Variants in ITPK1 observed in about 807,000 individuals in gnomAD.
ITPK1 encodes inositol 1,3,4-trisphosphate 5/6-kinase.
In ITPK1, 21 loss-of-function variants were observed where a neutral mutation model predicts 45.3. The ratio of observed to expected loss-of-function variants is 0.46; its 90% CI spans 0.33 to 0.67. The LOEUF is 0.67. Ranked by LOEUF, ITPK1 falls within the 30% of genes least tolerant of loss-of-function variation. ITPK1 has a pLI of 0.02. For synonymous variants in ITPK1, 258 were observed against 253.6 expected, an observed-to-expected ratio of 1.02 and a Z score of -0.16; for missense variants, 474 against 573.5, an observed-to-expected ratio of 0.83 and a Z score of 1.77.
chr14:92,996,866 A>G (rs1195454697), intron 4 of ITPK1, among the ~76,000 whole-genome samples: 1 of 152,096 alleles, frequency 6.6e-6, no homozygotes, highest in African/African-American at 2.4e-5. Flanking sequence ...TCTCAGAGTC[A>G]CCTTTGGGCA....
At chr14:92,994,101 G>A in intron 4 of ITPK1, 104 bp from the exon 5 acceptor site, 1 of 733,956 alleles carries the variant, frequency 1.4e-6, no homozygotes, top group Non-Finnish European at 2.5e-6. Context: ...CTATCCTCCA[G>A]CCCTAGCTTT....
At chr14:92,967,814 C>T (rs191411942) in intron 5 of ITPK1, among the ~76,000 whole-genome samples, 1 of 152,314 alleles carries the variant, frequency 6.6e-6, no homozygotes, top group East Asian at 1.9e-4. Context: ...CAGAAGACCA[C>T]ATACTGTAAG....
chr14:93,005,870 G>A (rs17128737), intron 4 of ITPK1, among the ~76,000 whole-genome samples: 12,860 of 152,192 alleles, frequency 0.084, 635 homozygotes, highest in East Asian at 0.23. Flanking sequence ...CAGGGAGGCC[G>A]TTTAACATGC....
chr14:93,036,524 C>T lies in ITPK1; in HGVS notation c.121-19723G>A, dbSNP rs926126791. Among the ~76,000 whole-genome samples, 52 of 152,086 alleles carry T rather than the reference C, an allele frequency of 3.4e-4. No individual in the cohort carries two copies. Among genetic ancestry groups the T allele is most frequent in the South Asian group, 6.2e-4 (3 of 4,808 alleles). ...GAGCACGTGCCCCATTTGACCCCCA[C>T]GGCTCTTGCTGTTTGCTGGTGGCAG... On this transcript the variant is annotated intron_variant, in intron 3 of 10. Coordinates refer to ENST00000267615, the MANE Select transcript of ITPK1 (RefSeq NM_014216.6). This position sits in a 1 kb window ranked among gnomAD's most constrained non-coding sequence, Gnocchi z 4.1.
intron 2 of ITPK1, among the ~76,000 whole-genome samples, chr14:93,080,057 T>C (rs539539472): frequency 5.5e-4 from 84 of 152,308 alleles, no homozygotes; most frequent in African/African-American, 1.9e-3. Flanking sequence ...AGGAATAGTA[T>C]GCAGCAGTAA....
chr14:93,084,295 T>C (rs1342469743), intron 2 of ITPK1, among the ~76,000 whole-genome samples: 2 of 152,254 alleles, frequency 1.3e-5, no homozygotes, highest in Non-Finnish European at 2.9e-5. Context: ...TATGGGCAAC[T>C]GTGTGTCCCC....
At position 93,115,135 on chromosome 14, in the gene ITPK1, A is replaced by G; in HGVS notation, c.29T>C (p.Val10Ala). Reference protein sequence around the residue: MQTFLKGKRVGYWLSEKKIK... With the variant: MQTFLKGKRAGYWLSEKKIK... ...TTTCTTCTCGCTCAGCCAGTAGCCA[A>G]CTCTCTTCCCTTTCAGAAAGGTCTG... Residue 10 changes from valine to alanine, a missense_variant, in exon 2 of 11, where the codon GTT (valine) becomes GCT (alanine). Val to Ala is a moderately conservative substitution (Grantham distance 64). Around this residue, in one of 2 missense-constraint regions of ITPK1, gnomAD observed 367 missense variants for 480.6 expected, o/e 0.76. Transcript: ENST00000267615. The G allele has an allele frequency of 6.2e-7, 1 of 1,600,118 alleles. No individual in the cohort carries two copies. Among genetic ancestry groups the G allele is most frequent in the African/African-American group, 1.4e-5 (1 of 72,956 alleles).
At chr14:93,054,357 C>CA (rs1450899205) in intron 3 of ITPK1, among the ~76,000 whole-genome samples, 2 of 152,190 alleles carry the variant, frequency 1.3e-5, no homozygotes, top group Admixed American at 1.3e-4. Context: ...AGCATCCAGA[C>CA]AACGGGTGGT....
chr14:93,006,794 G>A (rs947028449), intron 4 of ITPK1, among the ~76,000 whole-genome samples: 4 of 152,192 alleles, frequency 2.6e-5, no homozygotes, highest in African/African-American at 9.7e-5. Context: ...TGGAAGGAAA[G>A]AGAACACTAT....
intron 5 of ITPK1, among the ~76,000 whole-genome samples, chr14:92,990,557 C>A (rs576963765): frequency 2.0e-5 from 3 of 152,292 alleles, no homozygotes; most frequent in East Asian, 3.9e-4. Flanking sequence ...CTGCCAGAGC[C>A]GAGGCAGAGA....
chr14:93,053,159 A>T lies in ITPK1; in HGVS notation c.120+23436T>A, dbSNP rs184364995. Among the ~76,000 whole-genome samples the T allele has an allele frequency of 1.5e-3, 225 of 151,554 alleles. 2 individuals are homozygous for T. The highest frequency in any genetic ancestry group is 4.8e-3 in the African/African-American group (200 of 41,346). The stretch of plus-strand genomic sequence containing the variant: ...TAAAAATAAAATAAAAAATAATAAT[A>T]AAAAAAAACCAGTGGTTCTCAGACA... On this transcript the variant is annotated intron_variant, in intron 3 of 10. Transcript: ENST00000267615.
rs1889332232 is a variant in ITPK1, at chr14:93,036,605, C to G, written c.121-19804G>C. ...CTCCCCGGCGTTCTGTGGCCCACAC[C>G]CCTCATGACTCACCAGGCTCAGCAC... On this transcript the variant is annotated intron_variant, in intron 3 of 10. Coordinates refer to ENST00000267615, the MANE Select transcript of ITPK1 (RefSeq NM_014216.6). The surrounding 1 kb of genome is among the most constrained non-coding windows in gnomAD (Gnocchi z 4.1). Among the ~76,000 whole-genome samples, 1 of 151,880 alleles carries G rather than the reference C, an allele frequency of 6.6e-6. No homozygotes were observed. Among genetic ancestry groups the G allele is most frequent in the Admixed American group, 6.6e-5 (1 of 15,252 alleles).
At chr14:93,000,759 C>T (rs1208388044) in intron 4 of ITPK1, among the ~76,000 whole-genome samples, 1 of 149,178 alleles carries the variant, frequency 6.7e-6, no homozygotes, top group Non-Finnish European at 1.5e-5. Flanking sequence ...GGTGGATCAC[C>T]TGAGGTCAGG....
At chr14:92,969,443 C>G (rs1467224188) in intron 5 of ITPK1, among the ~76,000 whole-genome samples, 1 of 152,182 alleles carries the variant, frequency 6.6e-6, no homozygotes, top group Non-Finnish European at 1.5e-5. Context: ...AAAGGCCCAA[C>G]CTGCTGCTCT....
intron 3 of ITPK1, among the ~76,000 whole-genome samples, chr14:93,046,546 A>G (rs553530773): frequency 7.2e-6 from 1 of 139,106 alleles, no homozygotes; most frequent in South Asian, 2.4e-4. Context: ...GGGCTTCAAG[A>G]CCTTCAGAAA....
Position 92,963,352 on chromosome 14 carries a change from G to A in ITPK1, c.365-503C>T, listed in dbSNP as rs536863798. Among the ~76,000 whole-genome samples, 6 of 152,246 alleles carry A rather than the reference G, an allele frequency of 3.9e-5. No individual in the cohort carries two copies. In the South Asian group the frequency reaches 6.2e-4, roughly 16 times the overall value. On this transcript the variant is annotated intron_variant, in intron 5 of 10. Coordinates refer to ENST00000267615, the MANE Select transcript of ITPK1 (RefSeq NM_014216.6). ...CTGGCGCTGTACCGAGGGCTTTGCC[G>A]GCATCACCTCCACAGTTTGCAAAAT...
In ITPK1 at chr14:93,016,101, C is replaced by T. The variant is rs1888160614; in HGVS notation, c.246+575G>A. Among the ~76,000 whole-genome samples the T allele has an allele frequency of 6.6e-6, 1 of 152,144 alleles. No individual in the cohort carries two copies. The highest frequency in any genetic ancestry group is 2.1e-4 in the South Asian group (1 of 4,824). Reference sequence around the variant, plus strand: ...ACAAGTCAGTAGCCAGCATGAGAACCCCAGGGCAGTGGGCAGGTCACTGTG... The same window carrying T: ...ACAAGTCAGTAGCCAGCATGAGAACTCCAGGGCAGTGGGCAGGTCACTGTG... On this transcript the variant is annotated intron_variant, in intron 4 of 10. Coordinates refer to ENST00000267615, the MANE Select transcript of ITPK1 (RefSeq NM_014216.6). This position sits in a 1 kb window ranked among gnomAD's most constrained non-coding sequence, Gnocchi z 5.0.
At chr14:92,979,789 C>T (rs1886127633) in intron 5 of ITPK1, among the ~76,000 whole-genome samples, 1 of 151,956 alleles carries the variant, frequency 6.6e-6, no homozygotes. Flanking sequence ...TCATAAATTA[C>T]CCACTCTCAG....
intron 5 of ITPK1, among the ~76,000 whole-genome samples, chr14:92,993,349 G>T (rs1886887460): frequency 2.0e-5 from 3 of 152,212 alleles, no homozygotes; most frequent in Admixed American, 1.3e-4. Flanking sequence ...TGCCCAAGGG[G>T]TGGGGAGGCG....
Sources: allele counts gnomAD v4.1 joint callset (sites outside exome capture counted in the v4.1 genomes callset), GRCh38; gene constraint gnomAD v4.1.1; regional missense constraint gnomAD v4.1.1; non-coding constraint Gnocchi (gnomAD v3.1); transcripts MANE v1.5; gene names NCBI Gene and HGNC (gene_info 2026-07-23, HGNC 2026-07-21).